The following BRD10 variants were observed in gnomAD, a reference collection of about 807,000 sequenced individuals.
BRD10 encodes bromodomain containing 10.
At chr9:5,922,857 G>C in the BRD10 span, 1 of 1,613,956 alleles carries the variant, frequency 6.2e-7, no homozygotes, top group Non-Finnish European at 8.5e-7. Flanking sequence ...GGCTTTATCG[G>C]GCTTGCTTCC....
chr9:5,989,988 A>T, the BRD10 span, among the ~76,000 whole-genome samples: 1 of 152,224 alleles, frequency 6.6e-6, no homozygotes, highest in African/African-American at 2.4e-5. Context: ...GGATTCTACC[A>T]AACTGTAGCA....
the BRD10 span, among the ~76,000 whole-genome samples, chr9:6,006,902 C>A: frequency 6.6e-6 from 1 of 152,222 alleles, no homozygotes; most frequent in Non-Finnish European, 1.5e-5. Flanking sequence ...TCTGCCTACA[C>A]GTGCAATTCT....
the BRD10 span, among the ~76,000 whole-genome samples, chr9:5,893,543 A>G: frequency 6.6e-6 from 1 of 152,272 alleles, no homozygotes; most frequent in African/African-American, 2.4e-5. Context: ...TCCCTGGCCA[A>G]TTGGAGATGA....
the BRD10 span, among the ~76,000 whole-genome samples, chr9:6,005,005 G>A: frequency 1.3e-5 from 2 of 152,152 alleles, no homozygotes; most frequent in African/African-American, 2.4e-5. Context: ...TACTAAAATA[G>A]CAAGAATTTT....
At chr9:5,923,479 C>T in the BRD10 span, among the ~76,000 whole-genome samples, 3 of 152,182 alleles carry the variant, frequency 2.0e-5, no homozygotes, top group Non-Finnish European at 2.9e-5. Context: ...GTAAGGTCAT[C>T]TTTGACATGA....
At chr9:5,987,193 A>G in the BRD10 span, among the ~76,000 whole-genome samples, 1 of 152,284 alleles carries the variant, frequency 6.6e-6, no homozygotes, top group East Asian at 1.9e-4. Flanking sequence ...CTTATTGTTT[A>G]TATCACTACT....
chr9:5,988,710 A>G, the BRD10 span, among the ~76,000 whole-genome samples: 1 of 151,678 alleles, frequency 6.6e-6, no homozygotes, highest in Non-Finnish European at 1.5e-5. Flanking sequence ...AATTTCTCAT[A>G]CTCCTTATGT....
chr9:5,905,730 T>C, the BRD10 span, among the ~76,000 whole-genome samples: 1 of 152,260 alleles, frequency 6.6e-6, no homozygotes, highest in Admixed American at 6.5e-5. Flanking sequence ...CTTTTCAGGC[T>C]GACCCAATGT....
chr9:5,968,577 T>A, the BRD10 span: 4 of 1,613,952 alleles, frequency 2.5e-6, no homozygotes, highest in East Asian at 6.7e-5. Flanking sequence ...TCCAAGATCA[T>A]TTTAGCAGGA....
At chr9:5,959,851 T>C in the BRD10 span, among the ~76,000 whole-genome samples, 1 of 152,294 alleles carries the variant, frequency 6.6e-6, no homozygotes, top group East Asian at 1.9e-4. Context: ...TTATTTAACA[T>C]AGTACCACAT....
chr9:5,952,912 T>C, the BRD10 span, among the ~76,000 whole-genome samples: 2 of 152,214 alleles, frequency 1.3e-5, no homozygotes, highest in African/African-American at 2.4e-5. Flanking sequence ...ACCAAGGTTA[T>C]ATAATATATA....
At chr9:5,894,581 T>C in the BRD10 span, among the ~76,000 whole-genome samples, 2 of 152,142 alleles carry the variant, frequency 1.3e-5, no homozygotes, top group East Asian at 1.9e-4. This position sits in a 1 kb window ranked among gnomAD's most constrained non-coding sequence, Gnocchi z 4.0. Flanking sequence ...ATGAATCAAA[T>C]ACTCAGGCCT....
At chr9:5,991,034 A>C in the BRD10 span, among the ~76,000 whole-genome samples, 14 of 152,220 alleles carry the variant, frequency 9.2e-5, no homozygotes, top group Non-Finnish European at 1.8e-4. Flanking sequence ...TCCATCCATT[A>C]AAACGAATCA....
chr9:5,962,279 C>T, the BRD10 span, among the ~76,000 whole-genome samples: 1 of 143,176 alleles, frequency 7.0e-6, no homozygotes, highest in Non-Finnish European at 1.5e-5. Flanking sequence ...ACTACAAACA[C>T]CTCTACGCAA....
At chr9:5,921,661 G>A in the BRD10 span, 1 of 1,613,868 alleles carries the variant, frequency 6.2e-7, no homozygotes, top group Non-Finnish European at 8.5e-7. Flanking sequence ...AACTTTTTGT[G>A]ATATAATCTA....
chr9:5,969,175 G>A, the BRD10 span: 19 of 1,613,852 alleles, frequency 1.2e-5, no homozygotes, highest in Non-Finnish European at 1.5e-5. Flanking sequence ...GTCTGCGATG[G>A]GGAGGACTTA....
the BRD10 span, among the ~76,000 whole-genome samples, chr9:5,998,908 T>C: frequency 6.6e-6 from 1 of 152,040 alleles, no homozygotes. Context: ...GTCAGTAGTC[T>C]GTGGAATACC....
At chr9:5,956,518 A>C in the BRD10 span, among the ~76,000 whole-genome samples, 1 of 152,140 alleles carries the variant, frequency 6.6e-6, no homozygotes, top group South Asian at 2.1e-4. Context: ...TTCATCTGTA[A>C]AACAAGGGAT....
chr9:5,930,818 T>C, the BRD10 span, among the ~76,000 whole-genome samples: 1 of 152,160 alleles, frequency 6.6e-6, no homozygotes, highest in African/African-American at 2.4e-5. Flanking sequence ...CAAAGAAATG[T>C]TATAAAAGTG....
Sources: allele counts gnomAD v4.1 joint callset (sites outside exome capture counted in the v4.1 genomes callset), GRCh38; gene constraint gnomAD v4.1.1; non-coding constraint Gnocchi (gnomAD v3.1); transcripts MANE v1.5; gene names NCBI Gene and HGNC (gene_info 2026-07-23, HGNC 2026-07-21).